Variants in CMTM6 observed in about 807,000 individuals in gnomAD.
CMTM6 encodes the protein CKLF like MARVEL transmembrane domain containing 6.
CMTM6 carries 5 observed loss-of-function variants against 13.6 expected under a neutral mutation model. The observed-to-expected ratio is 0.37, with a 90% CI of 0.19 to 0.77. The LOEUF (loss-of-function observed/expected upper bound fraction) is 0.77. Ranked by LOEUF, CMTM6 falls within the 30% of genes least tolerant of loss-of-function variation. CMTM6 has a pLI of 0.50. For synonymous variants in CMTM6, 99 were observed against 84.5 expected, an observed-to-expected ratio of 1.17 and a Z score of -0.94; for missense variants, 196 against 218.6, an observed-to-expected ratio of 0.90 and a Z score of 0.65.
Position 32,496,352 on chromosome 3 carries a change from C to T in CMTM6, c.139-4466G>A, listed in dbSNP as rs1158543054. 7.3e-5 allele frequency among the ~76,000 whole-genome samples: 11 copies of T among 151,326 alleles called. No homozygotes were observed. The East Asian group carries it at 1.2e-3, about 16-fold the overall frequency. Reference sequence around the variant, plus strand: ...ATCCCAGCACTTTAGGAAGCCAAGGCGGGAGGATTGCTTGGACTCAGGAGT... The same window carrying T: ...ATCCCAGCACTTTAGGAAGCCAAGGTGGGAGGATTGCTTGGACTCAGGAGT... On this transcript the variant is annotated intron_variant, in intron 1 of 3. Transcript: ENST00000205636.
intron 1 of CMTM6, among the ~76,000 whole-genome samples, chr3:32,492,696 TTATCAGACAAGATGCAAAAGCTCA>T (rs1338628501): frequency 3.3e-5 from 5 of 152,158 alleles, no homozygotes; most frequent in South Asian, 2.1e-4. Context: ...GCAGAAGCTC[TTATCAGACAAGATGCAAAAGCTCA>T]TATCAGACAA....
In CMTM6 at chr3:32,482,987, G is replaced by GA. The variant is rs1024919978; in HGVS notation, c.*972dup. The GA allele has an allele frequency of 2.0e-5, 3 of 152,584 alleles. No individual in the cohort carries two copies. Among genetic ancestry groups the GA allele is most frequent in the Non-Finnish European group, 4.4e-5 (3 of 68,038 alleles). The allele number at this position is 152,584 out of a possible 1,614,324, so 9.5% of individuals were successfully genotyped here. On this transcript the variant is annotated 3_prime_UTR_variant, in exon 4 of 4. Coordinates refer to ENST00000205636, the MANE Select transcript of CMTM6 (RefSeq NM_017801.3). The stretch of plus-strand genomic sequence containing the variant: ...AAAGGCTGGTGTCCTAAAAAAAACA[G>GA]ATTGGCTTCAAAGAAAACACTAAGG...
intron 1 of CMTM6, among the ~76,000 whole-genome samples, chr3:32,495,078 C>T (rs1697279532): frequency 6.6e-6 from 1 of 151,700 alleles, no homozygotes; most frequent in South Asian, 2.1e-4. Flanking sequence ...AATAGTAATT[C>T]AAATCTATAC....
chr3:32,494,741 A>G (rs1201806470), intron 1 of CMTM6, among the ~76,000 whole-genome samples: 2 of 152,230 alleles, frequency 1.3e-5, no homozygotes, highest in African/African-American at 4.8e-5. Context: ...TTCAAAGGAA[A>G]AAAAAAATCC....
intron 2 of CMTM6, 64 bp downstream of exon 2, chr3:32,491,646 C>A: frequency 7.2e-7 from 1 of 1,379,654 alleles, no homozygotes; most frequent in South Asian, 1.5e-5. Flanking sequence ...CTGCTTTGAA[C>A]AATAAAATTA....
chr3:32,484,875 T>A (rs1413415639), intron 3 of CMTM6, among the ~76,000 whole-genome samples: 1 of 152,146 alleles, frequency 6.6e-6, no homozygotes, highest in Non-Finnish European at 1.5e-5. Context: ...AACATTCTCT[T>A]ACAGTCTGTT....
At chr3:32,495,468 T>C (rs1222157980) in intron 1 of CMTM6, among the ~76,000 whole-genome samples, 1 of 152,258 alleles carries the variant, frequency 6.6e-6, no homozygotes, top group Non-Finnish European at 1.5e-5. Context: ...TCACTTGCCT[T>C]TTTCTTGCCT....
chr3:32,491,053 G>T (rs1697246573), intron 2 of CMTM6, among the ~76,000 whole-genome samples: 1 of 152,158 alleles, frequency 6.6e-6, no homozygotes, highest in African/African-American at 2.4e-5. Flanking sequence ...GAGTCCTGTT[G>T]TCATTGTCAT....
At position 32,488,042 on chromosome 3, in the gene CMTM6, C is replaced by T. The variant is rs570873237; in HGVS notation, c.316-6G>A. 1 of 1,580,160 alleles carries T rather than the reference C, an allele frequency of 6.3e-7. No homozygotes were observed. The highest frequency in any genetic ancestry group is 1.3e-5 in the African/African-American group (1 of 74,152). ...CCCAAAGTAATATAAAAATCCTATG[C>T]ATACATACAAAACACAAAAGGAATA... On this transcript the variant is annotated splice_polypyrimidine_tract_variant and splice_region_variant and intron_variant, in intron 2 of 3. Coordinates refer to ENST00000205636, the MANE Select transcript of CMTM6 (RefSeq NM_017801.3).
chr3:32,500,866 A>C (rs530383145), intron 1 of CMTM6, among the ~76,000 whole-genome samples: 59 of 152,354 alleles, frequency 3.9e-4, no homozygotes, highest in Non-Finnish European at 6.3e-4. Context: ...TGTGGGCAGC[A>C]AACCAATACA....
At chr3:32,501,511 A>C (rs1342750081) in intron 1 of CMTM6, among the ~76,000 whole-genome samples, 2 of 152,202 alleles carry the variant, frequency 1.3e-5, no homozygotes, top group African/African-American at 4.8e-5. Flanking sequence ...ACTTGCTTTC[A>C]AATGATTTCC....
chr3:32,492,169 G>A (rs1697255088), intron 1 of CMTM6, among the ~76,000 whole-genome samples: 1 of 152,126 alleles, frequency 6.6e-6, no homozygotes, highest in African/African-American at 2.4e-5. Flanking sequence ...TCAACTGCGG[G>A]GTCAGGAAAG....
chr3:32,498,302 T>C (rs1697313706), intron 1 of CMTM6, among the ~76,000 whole-genome samples: 1 of 152,156 alleles, frequency 6.6e-6, no homozygotes, highest in Non-Finnish European at 1.5e-5. Context: ...AGAACCCAAG[T>C]CTCTGACTCC....
chr3:32,500,917 G>A (rs1344778307), intron 1 of CMTM6, among the ~76,000 whole-genome samples: 2 of 152,068 alleles, frequency 1.3e-5, no homozygotes, highest in East Asian at 1.9e-4. Context: ...CAGATGGGCT[G>A]GGCGCAGTGG....
At chr3:32,486,238 G>C (rs79583001) in intron 3 of CMTM6, among the ~76,000 whole-genome samples, 2,164 of 152,294 alleles carry the variant, frequency 0.014, 49 homozygotes, top group African/African-American at 0.05. Flanking sequence ...TGACTTGCAA[G>C]ATGATTTGTT....
chr3:32,493,903 C>T (rs916660183), intron 1 of CMTM6, among the ~76,000 whole-genome samples: 21 of 151,964 alleles, frequency 1.4e-4, no homozygotes, highest in African/African-American at 4.3e-4. Flanking sequence ...GAGAGAAGCT[C>T]GATTACAATA....
intron 2 of CMTM6, 150 bp from the exon 3 acceptor site, chr3:32,488,186 A>G (rs758937230): frequency 1.7e-4 from 99 of 589,538 alleles, no homozygotes; most frequent in Non-Finnish European, 2.3e-4. Context: ...TAACTTTTCA[A>G]TAAGCCTGGC....
intron 1 of CMTM6, among the ~76,000 whole-genome samples, chr3:32,492,602 T>G (rs1349640645): frequency 6.6e-6 from 1 of 152,086 alleles, no homozygotes; most frequent in Non-Finnish European, 1.5e-5. Context: ...GACATCCAAC[T>G]GGGAAGCTGA....
Position 32,489,802 on chromosome 3 carries a change from T to C in CMTM6, c.316-1766A>G, listed in dbSNP as rs146528055. Among the ~76,000 whole-genome samples, 129 of 152,338 alleles carry C rather than the reference T, an allele frequency of 8.5e-4. No individual in the cohort carries two copies. In the East Asian group the frequency reaches 0.021, roughly 25 times the overall value. On this transcript the variant is annotated intron_variant, in intron 2 of 3. Coordinates refer to ENST00000205636, the MANE Select transcript of CMTM6 (RefSeq NM_017801.3). ...AATATTTGGAATACATTCAAGTTAA[T>C]TGAAACAAGACAATCATTTTTAGAC...
Sources: allele counts gnomAD v4.1 joint callset (sites outside exome capture counted in the v4.1 genomes callset), GRCh38; gene constraint gnomAD v4.1.1; transcripts MANE v1.5; gene names NCBI Gene and HGNC (gene_info 2026-07-23, HGNC 2026-07-21).